Variants in COP1 observed in about 807,000 individuals in gnomAD.
COP1 encodes COP1 E3 ubiquitin ligase.
Under a neutral mutation model 101.3 loss-of-function variants are expected in COP1, and 24 were observed. The observed-to-expected ratio is 0.24, with a 90% CI of 0.17 to 0.33. The LOEUF (loss-of-function observed/expected upper bound fraction) is 0.33, where lower values mean the gene tolerates loss of function less well. Among genes scored for constraint, COP1 ranks in the 10% least tolerant of loss-of-function variants. COP1 has a pLI of 1.00. For missense variants in COP1, 663 were observed against 906.2 expected, an observed-to-expected ratio of 0.73 and a Z score of 3.45; for synonymous variants, 347 against 341.9, an observed-to-expected ratio of 1.01 and a Z score of -0.17.
At chr1:175,992,075 C>T (rs1557862758) in intron 15 of COP1, among the ~76,000 whole-genome samples, 3 of 152,100 alleles carry the variant, frequency 2.0e-5, no homozygotes, top group South Asian at 4.1e-4. Flanking sequence ...ACTTTTTGAA[C>T]ATTTTTAATT....
chr1:176,183,230 G>T (rs1558276582), intron 2 of COP1, among the ~76,000 whole-genome samples: 1 of 152,158 alleles, frequency 6.6e-6, no homozygotes, highest in Non-Finnish European at 1.5e-5. Flanking sequence ...TACTCTTCAT[G>T]ATGAAGGGAT....
intron 2 of COP1, among the ~76,000 whole-genome samples, chr1:176,180,832 A>T (rs946687293): frequency 6.6e-6 from 1 of 152,242 alleles, no homozygotes; most frequent in Non-Finnish European, 1.5e-5. Flanking sequence ...AAGAAAGACC[A>T]AAAGTATGGT....
chr1:176,187,402 C>CGTGTGTGTGT (rs35205766), intron 1 of COP1, among the ~76,000 whole-genome samples: 110 of 149,232 alleles, frequency 7.4e-4, no homozygotes, highest in African/African-American at 2.7e-3. Flanking sequence ...TATAAATATA[C>CGTGTGTGTGT]GTGTGTGTGT....
At chr1:176,136,570 A>G in intron 6 of COP1, 23 bp from the exon 7 acceptor site, 3 of 1,540,910 alleles carry the variant, frequency 1.9e-6, no homozygotes, top group Non-Finnish European at 2.6e-6. Context: ...TAGAGAGAGA[A>G]AGACAAAAAA....
intron 8 of COP1, among the ~76,000 whole-genome samples, chr1:176,132,155 G>A (rs964918873): frequency 6.6e-6 from 1 of 151,654 alleles, no homozygotes. Context: ...AGCTTCCAAT[G>A]TCAAGGGGTT....
At chr1:176,205,801 C>A (rs1700781414) in intron 1 of COP1, among the ~76,000 whole-genome samples, 1 of 152,138 alleles carries the variant, frequency 6.6e-6, no homozygotes, top group Non-Finnish European at 1.5e-5. Flanking sequence ...ATGTCTATAC[C>A]TAGCATTTCT....
At chr1:176,205,097 T>C (rs577919243) in intron 1 of COP1, among the ~76,000 whole-genome samples, 2 of 152,332 alleles carry the variant, frequency 1.3e-5, no homozygotes, top group African/African-American at 4.8e-5. Flanking sequence ...TATTTTAGTG[T>C]ACTTACACGG....
At chr1:176,135,405 A>C (rs1473713292) in intron 7 of COP1, among the ~76,000 whole-genome samples, 2 of 152,122 alleles carry the variant, frequency 1.3e-5, no homozygotes, top group Non-Finnish European at 2.9e-5. Context: ...TGTACATTAT[A>C]CTATGTGAAT....
At chr1:176,120,114 A>G (rs1401093090) in intron 8 of COP1, among the ~76,000 whole-genome samples, 4 of 152,186 alleles carry the variant, frequency 2.6e-5, no homozygotes, top group African/African-American at 7.2e-5. Context: ...TAACCTATAA[A>G]TATAAGACAG....
chr1:175,987,963 T>C (rs1657521078), intron 17 of COP1, among the ~76,000 whole-genome samples: 2 of 152,204 alleles, frequency 1.3e-5, no homozygotes, highest in Admixed American at 1.3e-4. Context: ...AAATTGGAAA[T>C]ATTACTAACA....
chr1:176,105,222 C>A (rs1684105716), intron 9 of COP1, among the ~76,000 whole-genome samples: 1 of 151,996 alleles, frequency 6.6e-6, no homozygotes, highest in Non-Finnish European at 1.5e-5. Context: ...ACTTTTTATA[C>A]AGCTCTGATT....
At chr1:176,192,950 A>G (rs1378426180) in intron 1 of COP1, among the ~76,000 whole-genome samples, 1 of 152,198 alleles carries the variant, frequency 6.6e-6, no homozygotes, top group East Asian at 1.9e-4. Flanking sequence ...ATATAGTACC[A>G]ATTAAACTAG....
At chr1:176,197,833 A>C (rs1699857164) in intron 1 of COP1, among the ~76,000 whole-genome samples, 1 of 152,224 alleles carries the variant, frequency 6.6e-6, no homozygotes, top group African/African-American at 2.4e-5. Context: ...CATAAAATAC[A>C]AGGTCAACAT....
intron 3 of COP1, among the ~76,000 whole-genome samples, chr1:176,170,913 CAGG>C (rs1036640988): frequency 5.3e-5 from 8 of 152,010 alleles, no homozygotes; most frequent in Non-Finnish European, 1.0e-4. Context: ...ATCACGAGGT[CAGG>C]AGATCAAGAC....
intron 9 of COP1, among the ~76,000 whole-genome samples, chr1:176,102,961 C>T (rs1683663714): frequency 6.6e-6 from 1 of 152,162 alleles, no homozygotes; most frequent in Non-Finnish European, 1.5e-5. Context: ...CCCCACCCAC[C>T]AAATTATCCT....
At chr1:176,146,644 G>C (rs963191667) in intron 6 of COP1, among the ~76,000 whole-genome samples, 2 of 152,152 alleles carry the variant, frequency 1.3e-5, no homozygotes, top group Admixed American at 6.6e-5. Context: ...GTCAAACCTT[G>C]AGATAACTGC....
At chr1:176,038,309 T>C (rs1326276792) in intron 14 of COP1, among the ~76,000 whole-genome samples, 1 of 152,238 alleles carries the variant, frequency 6.6e-6, no homozygotes, top group African/African-American at 2.4e-5. Context: ...TATTAAGATT[T>C]TAATTTTTCC....
At chr1:176,038,753 G>A (rs1670004447) in intron 14 of COP1, among the ~76,000 whole-genome samples, 1 of 151,644 alleles carries the variant, frequency 6.6e-6, no homozygotes, top group Non-Finnish European at 1.5e-5. Context: ...GGGAGGCGGA[G>A]GTTGTGGTGA....
At chr1:176,176,687 C>T (rs563399329) in intron 2 of COP1, among the ~76,000 whole-genome samples, 5 of 152,016 alleles carry the variant, frequency 3.3e-5, no homozygotes, top group African/African-American at 1.2e-4. Context: ...GGCATGATAG[C>T]ATATGCAGCT....
Sources: gnomAD v4.1 joint callset for allele counts (sites outside exome capture counted in the v4.1 genomes callset) on GRCh38, gnomAD v4.1.1 for gene constraint, MANE v1.5 for transcripts, NCBI Gene and HGNC (gene_info 2026-07-23, HGNC 2026-07-21) for gene names.